The following WDFY4 variants were observed in gnomAD, a reference collection of about 807,000 sequenced individuals.
WDFY4 encodes WDFY family member 4, also known as WD repeat- and FYVE domain-containing protein 4.
A neutral mutation model predicts 351.9 loss-of-function variants in WDFY4; 169 were observed. The observed-to-expected ratio is 0.48, with a 90% CI of 0.42 to 0.55. The LOEUF (loss-of-function observed/expected upper bound fraction) is 0.55. Among genes scored for constraint, WDFY4 ranks in the 20% least tolerant of loss-of-function variants. WDFY4 has a pLI of 0.00. For missense variants in WDFY4, 3,803 were observed against 3,935.6 expected (o/e 0.97, Z 0.90); for synonymous variants, 1,622 against 1,574.6 (o/e 1.03, Z -0.71).
intron 51 of WDFY4, among the ~76,000 whole-genome samples, chr10:48,947,305 C>G (rs762619721): frequency 6.6e-6 from 1 of 151,974 alleles, no homozygotes; most frequent in Non-Finnish European, 1.5e-5. Flanking sequence ...GAAAGGCAGG[C>G]GGTCAAGGAT....
chr10:48,883,399 T>G (rs1479975296), intron 43 of WDFY4, among the ~76,000 whole-genome samples: 1 of 151,878 alleles, frequency 6.6e-6, no homozygotes, highest in Non-Finnish European at 1.5e-5. Context: ...GGTGTGTGTG[T>G]GTGTGTGTGT....
rs1195856836 is a variant in WDFY4 at position 48,796,328 on chromosome 10, T to C, written c.4288T>C (p.Ser1430Pro). The change falls in exon 24 of 62, where the codon TCT (serine) becomes CCT (proline). Residue 1430 changes from serine (S) to proline (P), a missense_variant. By Grantham distance (74) the Ser-to-Pro change is moderately conservative. This residue lies in a region of WDFY4 where 3,054 missense variants were observed against 3,148.6 expected (regional missense o/e 0.97). Transcript: ENST00000325239. ...IMAFLLRKKA[S>P]LLNHRIFQLI... ...GGCGTTTCTCCTGAGGAAGAAGGCC[T>C]CTCTCCTGAACCATCGAATTTTTCA... 2 of 1,551,974 alleles carry C rather than the reference T, an allele frequency of 1.3e-6. No individual in the cohort carries two copies. Among genetic ancestry groups the C allele is most frequent in the African/African-American group, 1.4e-5 (1 of 73,022 alleles).
chr10:48,745,463 C>T (rs761670792), intron 12 of WDFY4: 1 of 270,968 alleles, frequency 3.7e-6, no homozygotes, highest in Non-Finnish European at 7.2e-6. Flanking sequence ...TTCAAATATC[C>T]TTTATCATTA....
chr10:48,812,211 G>C (rs1214761504), intron 30 of WDFY4, among the ~76,000 whole-genome samples: 1 of 117,044 alleles, frequency 8.5e-6, no homozygotes, highest in African/African-American at 4.5e-5. Context: ...TTTTTTTTGA[G>C]ACAGAGTCTT....
In WDFY4 at chr10:48,807,959, G is replaced by GT; in HGVS notation, c.4838+2dup. ...CCCCCCAGCTTCATCTGTCCTCTGA[G>GT]TAAGTAGCTCCAGGAAGAGCAATTT... is the stretch of plus-strand genomic sequence containing the variant. On this transcript the variant is annotated splice_donor_variant, in intron 28 of 61. Transcript: ENST00000325239. LOFTEE classifies it high-confidence loss of function. 2.0e-6 allele frequency: 3 copies of GT among 1,536,404 alleles called. No individual in the cohort carries two copies. Among genetic ancestry groups the GT allele is most frequent in the Non-Finnish European group, 2.6e-6 (3 of 1,140,526 alleles).
chr10:48,902,186 C>T (rs556719271), intron 47 of WDFY4, among the ~76,000 whole-genome samples: 1 of 152,206 alleles, frequency 6.6e-6, no homozygotes, highest in Non-Finnish European at 1.5e-5. Flanking sequence ...CAGGCCCTCC[C>T]ATGGGGGTGT....
intron 40 of WDFY4, among the ~76,000 whole-genome samples, chr10:48,873,077 T>TCC (rs1564436647): frequency 1.4e-4 from 21 of 151,850 alleles, no homozygotes; most frequent in South Asian, 2.1e-4. Flanking sequence ...CACTCCACTC[T>TCC]AGTTCAGGCA....
At chr10:48,728,437 G>C (rs2064342064) in intron 7 of WDFY4, among the ~76,000 whole-genome samples, 1 of 152,188 alleles carries the variant, frequency 6.6e-6, no homozygotes, top group East Asian at 1.9e-4. Flanking sequence ...TCTTGGGGAA[G>C]CTGCTATAGG....
chr10:48,818,344 A>G (rs977984698), intron 32 of WDFY4, among the ~76,000 whole-genome samples: 11 of 152,254 alleles, frequency 7.2e-5, no homozygotes, highest in African/African-American at 2.7e-4. Context: ...AAGTGCCCAA[A>G]TGAATGAGCA....
intron 19 of WDFY4, among the ~76,000 whole-genome samples, chr10:48,781,798 A>G (rs989392904): frequency 3.9e-5 from 6 of 152,096 alleles, no homozygotes; most frequent in Middle Eastern, 3.2e-3. Flanking sequence ...TAAGCTAAAG[A>G]CCTCCAGGAA....
Position 48,806,109 on chromosome 10 carries a change from T to G in WDFY4, c.4738+14T>G. The G allele has an allele frequency of 6.4e-7, 1 of 1,551,446 alleles. No homozygotes were observed. The highest frequency in any genetic ancestry group is 1.2e-5 in the South Asian group (1 of 84,038). ...CTTCCCTGCCTGGTGAGAAGACCTTTGCCAGTTCGAAGGCAGTAGGACGGC... is the reference window on the plus strand; with the variant it reads ...CTTCCCTGCCTGGTGAGAAGACCTTGGCCAGTTCGAAGGCAGTAGGACGGC... On this transcript the variant is annotated intron_variant, in intron 27 of 61. Coordinates refer to ENST00000325239, the MANE Select transcript of WDFY4 (RefSeq NM_001394531.1).
intron 59 of WDFY4, 117 bp downstream of exon 59, chr10:48,977,096 G>C: frequency 9.6e-7 from 1 of 1,037,866 alleles, no homozygotes; most frequent in Non-Finnish European, 1.3e-6. Flanking sequence ...TTCCAGAACG[G>C]GTACCTACAG....
At chr10:48,760,576 A>G (rs1487739489) in intron 13 of WDFY4, 136 bp downstream of exon 13, 3 of 825,432 alleles carry the variant, frequency 3.6e-6, no homozygotes, top group African/African-American at 1.7e-5. Context: ...CATGGGAAAC[A>G]CCTATAGTGG....
intron 19 of WDFY4, among the ~76,000 whole-genome samples, chr10:48,782,880 G>GT (rs982163579): frequency 6.6e-6 from 1 of 152,152 alleles, no homozygotes; most frequent in Non-Finnish European, 1.5e-5. Context: ...ATGGGGCAGT[G>GT]TGCATACACT....
At chr10:48,972,587 A>G (rs959452872) in intron 57 of WDFY4, among the ~76,000 whole-genome samples, 2 of 152,242 alleles carry the variant, frequency 1.3e-5, no homozygotes, top group African/African-American at 4.8e-5. Context: ...ACAGTTTAAT[A>G]AACCATTTCT....
intron 47 of WDFY4, among the ~76,000 whole-genome samples, chr10:48,935,900 G>A (rs1464874010): frequency 2.9e-5 from 1 of 34,494 alleles, no homozygotes; most frequent in African/African-American, 7.2e-5. Flanking sequence ...GTGCATCTAT[G>A]GTCTTTTTTT....
At chr10:48,923,496 G>GATATATATATATATA (rs1839279164) in intron 47 of WDFY4, among the ~76,000 whole-genome samples, 1 of 63,214 alleles carries the variant, frequency 1.6e-5, no homozygotes, top group African/African-American at 3.5e-5. Flanking sequence ...ATAGTTTTTA[G>GATATATATATATATA]TATATATATA....
At chr10:48,886,323 C>T (rs187204590) in intron 43 of WDFY4, among the ~76,000 whole-genome samples, 1 of 152,246 alleles carries the variant, frequency 6.6e-6, no homozygotes, top group African/African-American at 2.4e-5. Flanking sequence ...ACTGAATGTC[C>T]CAGTAGATTG....
At chr10:48,956,984 TG>T in intron 51 of WDFY4, 144 bp from the exon 52 acceptor site, 1 of 1,105,314 alleles carries the variant, frequency 9.0e-7, no homozygotes, top group Non-Finnish European at 1.3e-6. Context: ...CACACACATC[TG>T]GGCTGATGGG....
Sources: gnomAD v4.1 joint callset for allele counts (sites outside exome capture counted in the v4.1 genomes callset) on GRCh38, gnomAD v4.1.1 for gene constraint, gnomAD v4.1.1 regional missense constraint, MANE v1.5 for transcripts, NCBI Gene and HGNC (gene_info 2026-07-23, HGNC 2026-07-21) for gene names.